The following RARB variants were observed in gnomAD, a reference collection of about 807,000 sequenced individuals.
RARB encodes the protein retinoic acid receptor beta.
Under a neutral mutation model 51.9 loss-of-function variants are expected in RARB, and 17 were observed. The observed-to-expected ratio is 0.33, with a 90% CI of 0.22 to 0.49. The LOEUF (loss-of-function observed/expected upper bound fraction) is 0.49. Ranked by LOEUF, RARB falls within the 20% of genes least tolerant of loss-of-function variation. The pLI is 0.99. For synonymous variants in RARB, 215 were observed against 195.4 expected (o/e 1.10, Z -0.84); for missense variants, 369 against 550.8 (o/e 0.67, Z 3.30).
intron 2 of RARB, among the ~76,000 whole-genome samples, chr3:24,999,175 C>T (rs1291838663): frequency 1.3e-5 from 2 of 152,108 alleles, no homozygotes; most frequent in Non-Finnish European, 2.9e-5. Flanking sequence ...TGTAGAAGTA[C>T]TTATGTACTT....
At chr3:25,590,320 G>T (rs1053343582) in intron 5 of RARB, among the ~76,000 whole-genome samples, 1 of 152,220 alleles carries the variant, frequency 6.6e-6, no homozygotes, top group African/African-American at 2.4e-5. Context: ...TTGGCAATTT[G>T]CAATGTCCTA....
chr3:25,179,587 G>T (rs76069717), intron 5 of RARB, among the ~76,000 whole-genome samples: 2,042 of 152,236 alleles, frequency 0.013, 23 homozygotes, highest in Middle Eastern at 0.044. Flanking sequence ...TTGGGAATTT[G>T]AGTAAACTCA....
chr3:25,142,368 G>A (rs1387612185), intron 4 of RARB, among the ~76,000 whole-genome samples: 2 of 152,166 alleles, frequency 1.3e-5, no homozygotes, highest in South Asian at 2.1e-4. Flanking sequence ...ATCTTGAGAT[G>A]CAACTCAGAA....
At chr3:25,456,676 TATATATAGAGAGAGAGAG>T (rs983325284) in intron 1 of RARB, among the ~76,000 whole-genome samples, 3 of 113,802 alleles carry the variant, frequency 2.6e-5, no homozygotes, top group African/African-American at 1.0e-4. Context: ...TATATATATA[TATATATAGAGAGAGAGAG>T]AGAGAGAGAG....
intron 2 of RARB, among the ~76,000 whole-genome samples, chr3:25,000,152 T>G (rs1200591057): frequency 6.6e-6 from 1 of 152,114 alleles, no homozygotes; most frequent in East Asian, 1.9e-4. Context: ...AAACGACAGG[T>G]GTCCACTACA....
chr3:24,926,190 ATGTT>A (rs751615073), intron 2 of RARB, among the ~76,000 whole-genome samples: 4 of 152,266 alleles, frequency 2.6e-5, no homozygotes, highest in East Asian at 3.9e-4. Flanking sequence ...AAGCAGTAGG[ATGTT>A]TGTTAGCAGT....
chr3:25,546,434 G>C (rs756164386), intron 3 of RARB, among the ~76,000 whole-genome samples: 4 of 152,176 alleles, frequency 2.6e-5, no homozygotes, highest in Non-Finnish European at 5.9e-5. Context: ...GGGCCCTGGA[G>C]AGCAGGGAGC....
intron 5 of RARB, among the ~76,000 whole-genome samples, chr3:25,582,460 G>A (rs1452167362): frequency 6.6e-6 from 1 of 151,920 alleles, no homozygotes; most frequent in Admixed American, 6.6e-5. Flanking sequence ...CTCAGGCTCT[G>A]ACCTTGACCT....
chr3:25,182,085 G>T lies in RARB; in HGVS notation c.178+7510G>T, dbSNP rs181388241. On this transcript the variant is annotated intron_variant, in intron 5 of 11. Transcript: ENST00000383772. ...TTCTTTGGAATTACATGTAGGTGTA[G>T]GTGGCCTATATTACCTATGACTTTC... Among the ~76,000 whole-genome samples, 801 of 152,252 alleles carry T rather than the reference G, an allele frequency of 5.3e-3. 4 individuals are homozygous for T. The highest frequency in any genetic ancestry group is 8.8e-3 in the Non-Finnish European group (597 of 68,020).
intron 2 of RARB, among the ~76,000 whole-genome samples, chr3:24,877,858 A>C (rs1228004632): frequency 6.6e-6 from 1 of 152,202 alleles, no homozygotes; most frequent in Non-Finnish European, 1.5e-5. Flanking sequence ...GTCCACATGA[A>C]TGTGAGCCTC....
chr3:25,447,578 A>G (rs1005125172), intron 1 of RARB, among the ~76,000 whole-genome samples: 1 of 152,180 alleles, frequency 6.6e-6, no homozygotes, highest in Non-Finnish European at 1.5e-5. Context: ...GGTCCTTGCA[A>G]TGATTTGGGA....
chr3:25,114,064 T>A (rs868077654), intron 3 of RARB, among the ~76,000 whole-genome samples: 1 of 152,176 alleles, frequency 6.6e-6, no homozygotes, highest in Non-Finnish European at 1.5e-5. Flanking sequence ...CTTAACTGGT[T>A]TGTGTCTTGG....
At chr3:25,026,882 C>G (rs1291038714) in intron 2 of RARB, among the ~76,000 whole-genome samples, 1 of 152,136 alleles carries the variant, frequency 6.6e-6, no homozygotes, top group Non-Finnish European at 1.5e-5. Context: ...ACACAATAAA[C>G]AAAAATAGTC....
chr3:24,851,727 A>G (rs2068901), intron 1 of RARB, among the ~76,000 whole-genome samples: 1 of 152,154 alleles, frequency 6.6e-6, no homozygotes, highest in African/African-American at 2.4e-5. Flanking sequence ...GCTATGAAGT[A>G]TGTTTCATTT....
At chr3:25,222,223 C>T (rs928666677) in intron 5 of RARB, among the ~76,000 whole-genome samples, 1 of 152,164 alleles carries the variant, frequency 6.6e-6, no homozygotes, top group Admixed American at 6.5e-5. Flanking sequence ...CAACCTAAGG[C>T]CCAGGAGGCC....
At chr3:24,831,902 G>A (rs1256896210) in intron 1 of RARB, among the ~76,000 whole-genome samples, 2 of 152,120 alleles carry the variant, frequency 1.3e-5, no homozygotes, top group Non-Finnish European at 2.9e-5. Flanking sequence ...TTGTTAATCT[G>A]AATAACTATT....
intron 2 of RARB, among the ~76,000 whole-genome samples, chr3:24,870,404 T>C (rs953965460): frequency 6.6e-6 from 1 of 152,088 alleles, no homozygotes; most frequent in African/African-American, 2.4e-5. Flanking sequence ...TCCAAACTTA[T>C]CTCACTAATA....
At chr3:25,155,151 A>G (rs900108941) in intron 4 of RARB, among the ~76,000 whole-genome samples, 2 of 151,992 alleles carry the variant, frequency 1.3e-5, no homozygotes, top group African/African-American at 4.8e-5. Context: ...TGCTTCCCCA[A>G]TATATCTGTC....
At chr3:25,456,554 A>ATTTTTTTTTTTTTT (rs35056259) in intron 1 of RARB, among the ~76,000 whole-genome samples, 2 of 44,122 alleles carry the variant, frequency 4.5e-5, no homozygotes, top group African/African-American at 9.9e-5. Flanking sequence ...TATACCACTG[A>ATTTTTTTTTTTTTT]TTTTTTTTTT....
Sources: allele counts gnomAD v4.1 joint callset (sites outside exome capture counted in the v4.1 genomes callset), GRCh38; gene constraint gnomAD v4.1.1; transcripts MANE v1.5; gene names NCBI Gene and HGNC (gene_info 2026-07-23, HGNC 2026-07-21).